Variants in CACNG2 observed in about 807,000 individuals in gnomAD.
The protein encoded by CACNG2 is calcium voltage-gated channel auxiliary subunit gamma 2, also known as voltage-dependent calcium channel gamma-2 subunit.
A neutral mutation model predicts 25.9 loss-of-function variants in CACNG2; 3 were observed. That is an observed-to-expected ratio of 0.12 (90% CI 0.05 to 0.30). CACNG2 has a LOEUF of 0.30. CACNG2 is among the 10% of genes least tolerant of loss of function. CACNG2 has a pLI of 1.00. For missense variants in CACNG2, 341 were observed against 432.5 expected (o/e 0.79, Z 1.88); for synonymous variants, 167 against 173.3 (o/e 0.96, Z 0.29).
rs551601560 is a variant in CACNG2, at chr22:36,567,647, G to C, written c.296-1154C>G. On this transcript the variant is annotated intron_variant, in intron 2 of 3. Transcript: ENST00000300105. ...AGAGGTCGGGGCTACATGTGTTTGT[G>C]GGGGGAGCAGCACCTGAATGAGGAC... Among the ~76,000 whole-genome samples the C allele has an allele frequency of 2.6e-5, 4 of 152,156 alleles. No individual in the cohort carries two copies. In the East Asian group the frequency reaches 7.7e-4, roughly 29 times the overall value.
intron 2 of CACNG2, among the ~76,000 whole-genome samples, chr22:36,585,715 T>C (rs766837986): frequency 2.2e-4 from 33 of 152,224 alleles, no homozygotes; most frequent in Admixed American, 1.5e-3. Flanking sequence ...GTTCAAAAAA[T>C]ATTGTTGGAT....
intron 1 of CACNG2, among the ~76,000 whole-genome samples, chr22:36,679,209 T>C (rs1288217012): frequency 2.1e-4 from 29 of 139,752 alleles, no homozygotes; most frequent in African/African-American, 7.0e-4. Context: ...TTTCTTTCTT[T>C]CTTTCTTTCT....
At position 36,702,593 on chromosome 22, in the gene CACNG2, A is replaced by G; in HGVS notation, c.-17T>C. ...CAGCCCCATAATTCTTCATTATATA[A>G]ACACCCAACCGACTTCTGGTTCTCG... On this transcript the variant is annotated 5_prime_UTR_variant, in exon 1 of 4. Coordinates refer to ENST00000300105, the MANE Select transcript of CACNG2 (RefSeq NM_006078.5). The G allele has an allele frequency of 1.2e-6, 2 of 1,605,016 alleles. No individual in the cohort carries two copies. The highest frequency in any genetic ancestry group is 1.7e-6 in the Non-Finnish European group (2 of 1,171,810).
At chr22:36,645,450 TG>T (rs1467978310) in intron 1 of CACNG2, among the ~76,000 whole-genome samples, 2 of 148,586 alleles carry the variant, frequency 1.3e-5, no homozygotes, top group African/African-American at 5.0e-5. Flanking sequence ...GGCAGGAGAA[TG>T]GCATGAACCC....
intron 2 of CACNG2, among the ~76,000 whole-genome samples, chr22:36,578,044 G>A (rs1369147365): frequency 6.6e-6 from 1 of 151,440 alleles, no homozygotes; most frequent in African/African-American, 2.4e-5. Context: ...TGTAAAATGG[G>A]AGGGTGGGGC....
chr22:36,595,127 G>A (rs944663119), intron 1 of CACNG2, among the ~76,000 whole-genome samples: 4 of 151,572 alleles, frequency 2.6e-5, no homozygotes, highest in African/African-American at 9.7e-5. Context: ...GTGTCTATGT[G>A]TGTGCATGTG....
chr22:36,666,894 G>A (rs16997141), intron 1 of CACNG2, among the ~76,000 whole-genome samples: 25 of 151,506 alleles, frequency 1.7e-4, no homozygotes, highest in African/African-American at 6.1e-4. Context: ...CTGCCAGCAC[G>A]TTGCTCTTTC....
At chr22:36,569,077 C>G (rs545406536) in intron 2 of CACNG2, among the ~76,000 whole-genome samples, 54 of 152,260 alleles carry the variant, frequency 3.5e-4, no homozygotes, top group African/African-American at 1.2e-3. Flanking sequence ...ACATGCATGA[C>G]TAAAAAGCCA....
chr22:36,608,542 CA>C (rs1031981166), intron 1 of CACNG2, among the ~76,000 whole-genome samples: 1 of 152,220 alleles, frequency 6.6e-6, no homozygotes, highest in Non-Finnish European at 1.5e-5. Context: ...CTCATCACAT[CA>C]ACCCCTTGGG....
At chr22:36,579,404 CAAAAA>C (rs34224180) in intron 2 of CACNG2, among the ~76,000 whole-genome samples, 11 of 47,168 alleles carry the variant, frequency 2.3e-4, no homozygotes, top group South Asian at 1.2e-3. Flanking sequence ...AACTCTGTCT[CAAAAA>C]AAAAAAAAAA....
intron 1 of CACNG2, among the ~76,000 whole-genome samples, chr22:36,660,925 C>T (rs867121641): frequency 1.3e-5 from 2 of 152,192 alleles, no homozygotes; most frequent in African/African-American, 4.8e-5. Flanking sequence ...AAAATGGAGA[C>T]GATTGTTACA....
chr22:36,694,717 T>A (rs1010376813), intron 1 of CACNG2, among the ~76,000 whole-genome samples: 2 of 152,044 alleles, frequency 1.3e-5, no homozygotes, highest in African/African-American at 4.8e-5. Flanking sequence ...CCCTGGAGGG[T>A]CTTGGAAGCA....
chr22:36,680,381 C>T (rs1199308629), intron 1 of CACNG2, among the ~76,000 whole-genome samples: 63 of 149,384 alleles, frequency 4.2e-4, no homozygotes, highest in African/African-American at 1.5e-3. Flanking sequence ...ACCATTACCA[C>T]CACCATCACT....
In CACNG2 at chr22:36,563,301, T is replaced by A. The variant is rs781737234; in HGVS notation, c.*1050A>T. Among the ~76,000 whole-genome samples the A allele has an allele frequency of 5.5e-4, 84 of 151,754 alleles. 1 individual carries two copies. The highest frequency in any genetic ancestry group is 3.2e-4 in the Non-Finnish European group (22 of 67,870). On this transcript the variant is annotated 3_prime_UTR_variant, in exon 4 of 4. Coordinates refer to ENST00000300105, the MANE Select transcript of CACNG2 (RefSeq NM_006078.5). ...GGCTTATGAGTCAGGGGGTCCACCA[T>A]CGCCCCAGGGTCATCAGGTGGCCCT...
At chr22:36,696,918 A>G (rs937187044) in intron 1 of CACNG2, among the ~76,000 whole-genome samples, 1 of 152,190 alleles carries the variant, frequency 6.6e-6, no homozygotes, top group Non-Finnish European at 1.5e-5. Context: ...CAGATCACAC[A>G]AGGCTGCAGT....
chr22:36,650,520 T>C (rs769650505), intron 1 of CACNG2, among the ~76,000 whole-genome samples: 13 of 151,966 alleles, frequency 8.6e-5, no homozygotes, highest in Non-Finnish European at 1.6e-4. Context: ...ACTATAAGCA[T>C]GTGCCACCAC....
At chr22:36,667,482 A>G (rs1431064190) in intron 1 of CACNG2, among the ~76,000 whole-genome samples, 2 of 152,186 alleles carry the variant, frequency 1.3e-5, no homozygotes, top group Non-Finnish European at 2.9e-5. Context: ...GGCCAGCCCA[A>G]TACTTTGCAC....
At chr22:36,588,400 T>A (rs111280769) in intron 1 of CACNG2, among the ~76,000 whole-genome samples, 3 of 152,330 alleles carry the variant, frequency 2.0e-5, no homozygotes, top group African/African-American at 7.2e-5. Flanking sequence ...TGTTCACTGA[T>A]GAGCACGTGA....
chr22:36,671,606 C>T (rs981614609), intron 1 of CACNG2, among the ~76,000 whole-genome samples: 21 of 152,176 alleles, frequency 1.4e-4, no homozygotes, highest in African/African-American at 5.1e-4. Flanking sequence ...AGCACTGAAT[C>T]GCCAACAAAC....
Sources: allele counts gnomAD v4.1 joint callset (sites outside exome capture counted in the v4.1 genomes callset), GRCh38; gene constraint gnomAD v4.1.1; transcripts MANE v1.5; gene names NCBI Gene and HGNC (gene_info 2026-07-23, HGNC 2026-07-21).